The following RALY variants were observed in gnomAD, a reference collection of about 807,000 sequenced individuals.
The protein encoded by RALY is RALY heterogeneous nuclear ribonucleoprotein.
RALY carries 15 observed loss-of-function variants against 30.7 expected under a neutral mutation model. That is an observed-to-expected ratio of 0.49 (90% CI 0.33 to 0.75). The LOEUF is 0.75. RALY is among the 30% of genes least tolerant of loss of function. RALY has a pLI of 0.02. For missense variants in RALY, 339 were observed against 414.3 expected (o/e 0.82, Z 1.58); for synonymous variants, 177 against 170.8 (o/e 1.04, Z -0.28).
In RALY at chr20:34,077,108, G is replaced by A. The variant is rs376198831; in HGVS notation, c.739G>A (p.Gly247Ser). 1.4e-4 allele frequency: 231 copies of A among 1,599,086 alleles called. No homozygotes were observed. Among genetic ancestry groups the A allele is most frequent in the Non-Finnish European group, 1.9e-4 (223 of 1,171,274 alleles). Residue 247 changes from glycine (G) to serine (S), a missense_variant, in exon 8 of 10, where the codon GGC (glycine) becomes AGC (serine). By Grantham distance (56) the Gly-to-Ser change is moderately conservative. Transcript: ENST00000246194. Reference protein sequence around the residue: ...GGSGGGGSGGGGGGGSSRPPA... With the variant: ...GGSGGGGSGGSGGGGSSRPPA... ...CAGCGGTGGCGGTGGCAGTGGTGGT[G>A]GCGGTGGCGGTGGCAGCAGCCGGCC...
At chr20:34,054,081 A>T (rs1280995760) in intron 2 of RALY, among the ~76,000 whole-genome samples, 3 of 152,138 alleles carry the variant, frequency 2.0e-5, no homozygotes, top group Non-Finnish European at 4.4e-5. Flanking sequence ...AGTGTCTTAC[A>T]TCTCCTTCTA....
intron 2 of RALY, among the ~76,000 whole-genome samples, chr20:34,044,149 T>C (rs1209577997): frequency 2.0e-5 from 3 of 152,110 alleles, no homozygotes; most frequent in Non-Finnish European, 4.4e-5. Flanking sequence ...GGAATAGGAC[T>C]GTGGTTAGGG....
In RALY at chr20:34,084,249, A is replaced by T. The variant is rs1184732628; in HGVS notation, c.*4344A>T. The T allele has an allele frequency of 6.6e-6, 1 of 152,060 alleles. No individual in the cohort carries two copies. Among genetic ancestry groups the T allele is most frequent in the Non-Finnish European group, 1.5e-5 (1 of 68,012 alleles). The allele number at this position is 152,060 out of a possible 1,614,324, so 9.4% of individuals were successfully genotyped here. A position where few individuals can be genotyped will look rare whatever the true frequency, so the allele number is the denominator to read the frequency against. ...CAGTGGGAGATCATTTGCACCTAGGAGGTTAATGCTGCGGTGAGCCATGAT... is the reference window on the plus strand; with the variant it reads ...CAGTGGGAGATCATTTGCACCTAGGTGGTTAATGCTGCGGTGAGCCATGAT... On this transcript the variant is annotated 3_prime_UTR_variant, in exon 10 of 10. Coordinates refer to ENST00000246194, the MANE Select transcript of RALY (RefSeq NM_016732.3).
At chr20:34,076,977 G>C in intron 7 of RALY, 51 bp from the exon 8 acceptor site, 1 of 1,609,214 alleles carries the variant, frequency 6.2e-7, no homozygotes, top group Non-Finnish European at 8.5e-7. Flanking sequence ...GCCCTAGACA[G>C]CTACCCCAGG....
chr20:34,034,032 T>C (rs2032382593), intron 2 of RALY, among the ~76,000 whole-genome samples: 1 of 152,172 alleles, frequency 6.6e-6, no homozygotes, highest in Admixed American at 6.5e-5. Flanking sequence ...AACCGTGGTA[T>C]AGGATACTAC....
chr20:34,073,745 G>C, intron 4 of RALY, 74 bp from the exon 5 acceptor site: 1 of 1,562,040 alleles, frequency 6.4e-7, no homozygotes, highest in East Asian at 2.2e-5. Context: ...GGAGGTGTCT[G>C]GAGATGAGGG....
At chr20:33,999,265 G>A (rs1301911112) in intron 1 of RALY, among the ~76,000 whole-genome samples, 2 of 152,156 alleles carry the variant, frequency 1.3e-5, no homozygotes, top group African/African-American at 4.8e-5. Context: ...TGTTTATTGA[G>A]GTGAGGACAC....
intron 1 of RALY, among the ~76,000 whole-genome samples, chr20:33,997,591 T>A (rs994966259): frequency 1.3e-5 from 2 of 152,174 alleles, no homozygotes; most frequent in Admixed American, 1.3e-4. Flanking sequence ...CTTTATGAAA[T>A]GTTCCCTCTT....
chr20:34,035,183 A>AAAAAC (rs1568669796), intron 2 of RALY, among the ~76,000 whole-genome samples: 4 of 143,912 alleles, frequency 2.8e-5, no homozygotes, highest in Non-Finnish European at 4.5e-5. Flanking sequence ...AAAAAAAAAA[A>AAAAAC]AAAACAGTCT....
At chr20:34,030,699 C>T (rs1231811376) in intron 1 of RALY, among the ~76,000 whole-genome samples, 1 of 152,188 alleles carries the variant, frequency 6.6e-6, no homozygotes. Context: ...TTAGTTTTCT[C>T]ATATGTAAAA....
At position 34,075,938 on chromosome 20, in the gene RALY, C is replaced by T. The variant is rs779219192; in HGVS notation, c.442C>T (p.Pro148Ser). The change falls in exon 6 of 10, where the codon CCC becomes TCC. Residue 148 changes from proline (P) to serine (S), a missense_variant. Transcript: ENST00000246194. ...PVPRAVPVKR[P>S]RVTVPLVRRV... ...GCCCAGGGCGGTCCCTGTGAAGCGA[C>T]CCCGGGTCACAGTCCCTTTGGTCCG... 1.9e-6 allele frequency: 3 copies of T among 1,614,096 alleles called. No individual in the cohort carries two copies. Among genetic ancestry groups the T allele is most frequent in the Non-Finnish European group, 2.5e-6 (3 of 1,180,034 alleles).
intron 8 of RALY, 72 bp downstream of exon 8, chr20:34,077,317 G>T (rs1214942638): frequency 6.3e-7 from 1 of 1,590,580 alleles, no homozygotes; most frequent in South Asian, 1.1e-5. Context: ...CAGGGGAATG[G>T]GCAGCCTGAG....
At position 34,082,180 on chromosome 20, in the gene RALY, T is replaced by C. The variant is rs188639066; in HGVS notation, c.*2275T>C. 18 of 152,456 alleles carry C rather than the reference T, an allele frequency of 1.2e-4. No homozygotes were observed. Among genetic ancestry groups the C allele is most frequent in the African/African-American group, 4.1e-4 (17 of 41,586 alleles). 9.4% of individuals were successfully genotyped at this position (152,456 alleles called of 1,614,324 possible). A position where few individuals can be genotyped will look rare whatever the true frequency, so the allele number is the denominator to read the frequency against. On this transcript the variant is annotated 3_prime_UTR_variant, in exon 10 of 10. Transcript: ENST00000246194. ...TCACCCATCCATGTACCCACATCTT[T>C]CCTTGCCCAGAAGGCGAGAGCCAGC...
At chr20:34,033,529 AT>A (rs2123106390) in intron 2 of RALY, among the ~76,000 whole-genome samples, 1 of 152,270 alleles carries the variant, frequency 6.6e-6, no homozygotes, top group South Asian at 2.1e-4. Flanking sequence ...TAGAAATCAG[AT>A]GGTAAGAAAG....
chr20:33,994,704 C>T (rs1326020868), intron 1 of RALY, among the ~76,000 whole-genome samples: 1 of 152,032 alleles, frequency 6.6e-6, no homozygotes, highest in Non-Finnish European at 1.5e-5. Context: ...GCGTTTCACT[C>T]AGCCTCCTTG....
intron 1 of RALY, among the ~76,000 whole-genome samples, chr20:34,004,247 G>C (rs2031059391): frequency 6.6e-6 from 1 of 152,140 alleles, no homozygotes; most frequent in African/African-American, 2.4e-5. Context: ...GACTTTGTAG[G>C]ATAAGGATAA....
At chr20:34,056,490 G>C (rs1413797212) in intron 2 of RALY, among the ~76,000 whole-genome samples, 2 of 151,964 alleles carry the variant, frequency 1.3e-5, no homozygotes, top group East Asian at 1.9e-4. Context: ...ATTCTTCCAG[G>C]GGGGAGATTG....
Position 34,077,043 on chromosome 20 carries a change from G to GCA in RALY, c.674_675insCA (p.Asp226MetfsTer61). The GCA allele has an allele frequency of 6.3e-7, 1 of 1,594,854 alleles. No homozygotes were observed. Among genetic ancestry groups the GCA allele is most frequent in the Non-Finnish European group, 8.5e-7 (1 of 1,174,916 alleles). On this transcript the variant is annotated frameshift_variant, in exon 8 of 10. Transcript: ENST00000246194. LOFTEE classifies it high-confidence loss of function. ...TCCCCTCAAGATGGCAAGAAGAAGG[G>GCA]TGATGGAGGTGGCGCCGGCGGCGGC...
intron 7 of RALY, 45 bp from the exon 8 acceptor site, chr20:34,076,983 C>T: frequency 6.2e-7 from 1 of 1,609,736 alleles, no homozygotes; most frequent in East Asian, 2.2e-5. Context: ...GACAGCTACC[C>T]CAGGCTGAGT....
Sources: gnomAD v4.1 joint callset for allele counts (sites outside exome capture counted in the v4.1 genomes callset) on GRCh38, gnomAD v4.1.1 for gene constraint, MANE v1.5 for transcripts, NCBI Gene and HGNC (gene_info 2026-07-23, HGNC 2026-07-21) for gene names.